PCDH9: variants seen among roughly 807,000 people sequenced by gnomAD.
The protein encoded by PCDH9 is protocadherin 9.
PCDH9 carries 24 observed loss-of-function variants against 70.6 expected under a neutral mutation model. That is an observed-to-expected ratio of 0.34 (90% CI 0.25 to 0.48). The LOEUF (loss-of-function observed/expected upper bound fraction) is 0.48, where lower values mean the gene tolerates loss of function less well. Among genes scored for constraint, PCDH9 ranks in the 20% least tolerant of loss-of-function variants. The pLI is 0.99. For missense variants in PCDH9, 1,281 were observed against 1,503.6 expected (o/e 0.85, Z 2.45); for synonymous variants, 562 against 558.5 (o/e 1.01, Z -0.09).
In PCDH9 at chr13:66,639,686, A is replaced by C. The variant is rs1421946164; in HGVS notation, c.3139-8275T>G. ...TCCTGTGGGACATTAGAGAAAAAAG[A>C]AAGTTCTGAATCAACTTCCCTTTAT... On this transcript the variant is annotated intron_variant, in intron 3 of 4. Coordinates refer to ENST00000377865, the MANE Select transcript of PCDH9 (RefSeq NM_203487.3). Among the ~76,000 whole-genome samples, 4 of 152,326 alleles carry C rather than the reference A, an allele frequency of 2.6e-5. No individual in the cohort carries two copies. In the East Asian group the frequency reaches 7.7e-4, roughly 29 times the overall value.
intron 2 of PCDH9, among the ~76,000 whole-genome samples, chr13:67,013,243 C>G (rs929002619): frequency 7.1e-5 from 10 of 141,346 alleles, no homozygotes; most frequent in Non-Finnish European, 1.4e-4. Context: ...ATATCCTAAA[C>G]ATATACTTGT....
At chr13:66,344,644 G>C (rs1262193713) in intron 4 of PCDH9, among the ~76,000 whole-genome samples, 2 of 152,086 alleles carry the variant, frequency 1.3e-5, no homozygotes, top group African/African-American at 2.4e-5. Context: ...CCAATACAAG[G>C]GGTAAAATTA....
At chr13:66,919,674 G>GA (rs369501713) in intron 2 of PCDH9, among the ~76,000 whole-genome samples, 21 of 150,862 alleles carry the variant, frequency 1.4e-4, no homozygotes, top group African/African-American at 4.6e-4. Context: ...TGTTGTAATG[G>GA]AAAAAAGGAC....
intron 3 of PCDH9, among the ~76,000 whole-genome samples, chr13:66,715,904 A>G (rs368429833): frequency 5.3e-5 from 8 of 152,212 alleles, no homozygotes; most frequent in East Asian, 1.9e-4. Flanking sequence ...CAGTTGTACT[A>G]GTAAGAAAGG....
chr13:66,364,843 C>T (rs2138201765), intron 4 of PCDH9, among the ~76,000 whole-genome samples: 1 of 152,238 alleles, frequency 6.6e-6, no homozygotes, highest in East Asian at 1.9e-4. Flanking sequence ...ATGCTGAAAA[C>T]AGGAGAGAGC....
chr13:67,086,835 T>C (rs1316807809), intron 2 of PCDH9, among the ~76,000 whole-genome samples: 2 of 152,150 alleles, frequency 1.3e-5, no homozygotes, highest in South Asian at 4.1e-4. Context: ...TGCAAGTTGA[T>C]ACAAACTTAG....
At chr13:66,894,515 C>T (rs1481193762) in intron 3 of PCDH9, among the ~76,000 whole-genome samples, 1 of 152,002 alleles carries the variant, frequency 6.6e-6, no homozygotes, top group African/African-American at 2.4e-5. Flanking sequence ...ATAGGTATAA[C>T]ATTCTTCTGC....
chr13:67,124,973 G>A (rs1297694476), intron 2 of PCDH9, among the ~76,000 whole-genome samples: 1 of 152,136 alleles, frequency 6.6e-6, no homozygotes, highest in South Asian at 2.1e-4. Context: ...TGACAAGCCT[G>A]GGACTAGAAC....
At chr13:67,089,999 C>A (rs2086186055) in intron 2 of PCDH9, among the ~76,000 whole-genome samples, 1 of 151,986 alleles carries the variant, frequency 6.6e-6, no homozygotes, top group Non-Finnish European at 1.5e-5. Context: ...TTTCCACAAG[C>A]CCACACTAAA....
chr13:66,865,138 C>T (rs190299390), intron 3 of PCDH9, among the ~76,000 whole-genome samples: 1 of 152,256 alleles, frequency 6.6e-6, no homozygotes, highest in African/African-American at 2.4e-5. Flanking sequence ...CCAAAAGATA[C>T]TGTCTAAATA....
chr13:66,355,661 T>C (rs933385815), intron 4 of PCDH9, among the ~76,000 whole-genome samples: 3 of 152,150 alleles, frequency 2.0e-5, no homozygotes, highest in Non-Finnish European at 4.4e-5. Context: ...GAATTAACAA[T>C]ATACATTAAA....
At chr13:66,903,305 G>GA (rs1017105072) in intron 3 of PCDH9, among the ~76,000 whole-genome samples, 199 bp downstream of exon 3, 19 of 148,734 alleles carry the variant, frequency 1.3e-4, no homozygotes, top group African/African-American at 3.4e-4. Flanking sequence ...TTACTCAACA[G>GA]AAAAAAAAAG....
chr13:67,060,169 G>C (rs1004039370), intron 2 of PCDH9, among the ~76,000 whole-genome samples: 4 of 152,042 alleles, frequency 2.6e-5, no homozygotes, highest in Non-Finnish European at 1.5e-5. Flanking sequence ...ATGAGGTCAG[G>C]TAGATAAAGT....
At chr13:66,326,807 T>C (rs2138104759) in intron 4 of PCDH9, among the ~76,000 whole-genome samples, 1 of 151,956 alleles carries the variant, frequency 6.6e-6, no homozygotes, top group Non-Finnish European at 1.5e-5. Context: ...TTAAGCTTTT[T>C]ACATAAAAAT....
At chr13:66,351,022 A>T (rs1367518412) in intron 4 of PCDH9, among the ~76,000 whole-genome samples, 6 of 152,216 alleles carry the variant, frequency 3.9e-5, no homozygotes, top group Non-Finnish European at 8.8e-5. Context: ...CATAACCAAG[A>T]AGATGGACAG....
chr13:67,099,045 G>A (rs1373597450), intron 2 of PCDH9, among the ~76,000 whole-genome samples: 1 of 152,156 alleles, frequency 6.6e-6, no homozygotes, highest in Non-Finnish European at 1.5e-5. Context: ...ATTAAAATCT[G>A]TGGATTCATA....
chr13:66,319,433 T>C (rs1398937760), intron 4 of PCDH9, among the ~76,000 whole-genome samples: 1 of 152,068 alleles, frequency 6.6e-6, no homozygotes, highest in East Asian at 1.9e-4. Context: ...GAGGCATTTA[T>C]CAAATCACAA....
intron 2 of PCDH9, among the ~76,000 whole-genome samples, chr13:66,986,777 G>C (rs2083899516): frequency 6.6e-6 from 1 of 151,834 alleles, no homozygotes; most frequent in Non-Finnish European, 1.5e-5. Context: ...CCTACATACT[G>C]CTACACAAGA....
chr13:66,394,930 A>G (rs932437887), intron 4 of PCDH9, among the ~76,000 whole-genome samples: 3 of 152,222 alleles, frequency 2.0e-5, no homozygotes, highest in African/African-American at 4.8e-5. Flanking sequence ...TATATTAATG[A>G]TAAGATGGGA....
Sources: gnomAD v4.1 joint callset for allele counts (sites outside exome capture counted in the v4.1 genomes callset) on GRCh38, gnomAD v4.1.1 for gene constraint, MANE v1.5 for transcripts, NCBI Gene and HGNC (gene_info 2026-07-23, HGNC 2026-07-21) for gene names.